PTCHD1: variants seen among roughly 807,000 people sequenced by gnomAD.
PTCHD1 encodes the protein patched domain-containing protein 1.
In PTCHD1, 3 loss-of-function variants were observed where a neutral mutation model predicts 34.6. That is an observed-to-expected ratio of 0.09 (90% confidence interval 0.04 to 0.22). PTCHD1 has a LOEUF of 0.22. PTCHD1 is among the 10% of genes least tolerant of loss of function. The pLI is 1.00. For missense variants in PTCHD1, 504 were observed against 685.5 expected, an observed-to-expected ratio of 0.74 and a Z score of 2.96; for synonymous variants, 305 against 283.1, an observed-to-expected ratio of 1.08 and a Z score of -0.77.
At position 23,335,423 on chromosome X, in the gene PTCHD1, C is replaced by G. The variant is rs1031952071; in HGVS notation, c.351+197C>G. On this transcript the variant is annotated intron_variant, in intron 1 of 2. Coordinates refer to ENST00000379361, the MANE Select transcript of PTCHD1 (RefSeq NM_173495.3). ...GGACAAGGAGCGTCGGGGTCCGGGT[C>G]CGGCCCTGCCCGCGTCGCCTCTACC... Among the ~76,000 whole-genome samples, 3 of 112,952 alleles carry G rather than the reference C, an allele frequency of 2.7e-5. No individual in the cohort carries two copies. In the Admixed American group the frequency reaches 2.8e-4, roughly 10 times the overall value.
At chrX:23,380,318 A>G in intron 2 of PTCHD1, 67 bp downstream of exon 2, 1 of 1,000,951 alleles carries the variant, frequency 1.0e-6, no homozygotes, top group Non-Finnish European at 1.4e-6. Flanking sequence ...CTAAAAGGCC[A>G]GGAGTAGCCT....
intron 1 of PTCHD1, among the ~76,000 whole-genome samples, chrX:23,363,758 C>G (rs1227071635): frequency 8.9e-6 from 1 of 112,594 alleles, no homozygotes; most frequent in African/African-American, 3.2e-5. Flanking sequence ...TGCTGCAGAC[C>G]AGAGCTGTTC....
chrX:23,354,371 TAA>T (rs775985300), intron 1 of PTCHD1, among the ~76,000 whole-genome samples: 1 of 96,416 alleles, frequency 1.0e-5, no homozygotes. Context: ...ACAAACAGAT[TAA>T]AAAAAAAAAA....
intron 1 of PTCHD1, among the ~76,000 whole-genome samples, chrX:23,354,730 G>A (rs1034016974): frequency 5.6e-5 from 6 of 107,868 alleles, no homozygotes; most frequent in Non-Finnish European, 7.7e-5. Context: ...CTGCCACCAC[G>A]CCCAGCTGAT....
rs767869516 is a variant in PTCHD1, at chrX:23,379,575, T to A, written c.352-16T>A. On this transcript the variant is annotated splice_polypyrimidine_tract_variant and intron_variant, in intron 1 of 2. Coordinates refer to ENST00000379361, the MANE Select transcript of PTCHD1 (RefSeq NM_173495.3). ...AATATTTGATTAATAAATGCTGTCA[T>A]TTTTTTCCCCCACAGTTGCATGCTG... 8.3e-7 allele frequency: 1 copy of A among 1,205,175 alleles called. No individual in the cohort carries two copies. The highest frequency in any genetic ancestry group is 1.7e-5 in the African/African-American group (1 of 57,660).
chrX:23,334,405 T>C (rs1261459057), upstream of PTCHD1: 1 of 111,061 alleles, frequency 9.0e-6, no homozygotes, highest in Non-Finnish European at 1.9e-5. Flanking sequence ...CAGAGTCTCC[T>C]GGCGATAGCG....
At chrX:23,372,575 T>A (rs1922309405) in intron 1 of PTCHD1, among the ~76,000 whole-genome samples, 2 of 111,715 alleles carry the variant, frequency 1.8e-5, no homozygotes, top group Middle Eastern at 4.6e-3. Context: ...AGGTCCATGG[T>A]TGGTCATTCT....
At chrX:23,366,164 C>A (rs148239271) in intron 1 of PTCHD1, among the ~76,000 whole-genome samples, 1,189 of 111,991 alleles carry the variant, frequency 0.011, 22 homozygotes, top group African/African-American at 0.037. Flanking sequence ...AGTATGACCC[C>A]CACGGTTCAG....
At chrX:23,380,865 G>A (rs1161641835) in intron 2 of PTCHD1, among the ~76,000 whole-genome samples, 2 of 111,320 alleles carry the variant, frequency 1.8e-5, no homozygotes, top group Non-Finnish European at 3.8e-5. Flanking sequence ...CCCCAGGCCA[G>A]TTAACTGCCA....
At chrX:23,342,903 T>C (rs1002701964) in intron 1 of PTCHD1, among the ~76,000 whole-genome samples, 1 of 112,189 alleles carries the variant, frequency 8.9e-6, no homozygotes, top group Admixed American at 9.5e-5. Flanking sequence ...ATACACATTC[T>C]TTAATGCAGA....
chrX:23,393,723 G>A lies in PTCHD1; in HGVS notation c.2205G>A (p.Glu735=). 8.3e-7 allele frequency: 1 copy of A among 1,211,612 alleles called. No individual in the cohort carries two copies. The highest frequency in any genetic ancestry group is 1.1e-6 in the Non-Finnish European group (1 of 895,222). ...TCACTCTCACAGTTGTGTCCGTGGA[G>A]TTTGGAGTGATAGGTTTCATGACAT... ...VWITLTVVSV[E]FGVIGFMTLW... The change falls in exon 3 of 3, where the codon GAG becomes GAA. Residue 735 remains glutamate (E), a synonymous_variant. Coordinates refer to ENST00000379361, the MANE Select transcript of PTCHD1 (RefSeq NM_173495.3).
chrX:23,359,108 T>G (rs1019325552), intron 1 of PTCHD1, among the ~76,000 whole-genome samples: 1 of 112,484 alleles, frequency 8.9e-6, no homozygotes, highest in Non-Finnish European at 1.9e-5. Flanking sequence ...TTCTTTTGGC[T>G]TAGGATTGAC....
chrX:23,384,954 A>G (rs1313215687), intron 2 of PTCHD1, among the ~76,000 whole-genome samples: 1 of 111,919 alleles, frequency 8.9e-6, no homozygotes, highest in African/African-American at 3.2e-5. Flanking sequence ...TGCCTGATGG[A>G]GTAGAAGTAT....
chrX:23,382,231 T>A (rs1182774122), intron 2 of PTCHD1, among the ~76,000 whole-genome samples: 1 of 112,269 alleles, frequency 8.9e-6, no homozygotes, highest in East Asian at 2.8e-4. Flanking sequence ...GAAAAGTTAA[T>A]TTACTAAGTA....
In PTCHD1 at chrX:23,397,022, A is replaced by G. The variant is rs1204092746; in HGVS notation, c.*2837A>G. On this transcript the variant is annotated 3_prime_UTR_variant, in exon 3 of 3. Coordinates refer to ENST00000379361, the MANE Select transcript of PTCHD1 (RefSeq NM_173495.3). ...GACGGAAAAATTGATCCCTGCAAAC[A>G]CTTGAAGAAGCTGTGTTTTTTTTCT... 2 of 111,957 alleles carry G rather than the reference A, an allele frequency of 1.8e-5. No individual in the cohort carries two copies. The highest frequency in any genetic ancestry group is 6.5e-5 in the African/African-American group (2 of 30,814). 9.2% of individuals were successfully genotyped at this position (111,957 alleles called of 1,213,427 possible).
intron 1 of PTCHD1, among the ~76,000 whole-genome samples, chrX:23,341,977 C>T (rs779323454): frequency 1.1e-4 from 12 of 110,146 alleles, no homozygotes; most frequent in African/African-American, 2.3e-4. Context: ...TAAGTGCAGT[C>T]GGTTATCTTG....
At chrX:23,354,611 C>T (rs1921749104) in intron 1 of PTCHD1, among the ~76,000 whole-genome samples, 1 of 97,842 alleles carries the variant, frequency 1.0e-5, no homozygotes, top group Non-Finnish European at 2.0e-5. Context: ...CTCGCTCTGT[C>T]TCCCAGGCTG....
At chrX:23,373,654 T>C (rs1922330995) in intron 1 of PTCHD1, among the ~76,000 whole-genome samples, 1 of 111,674 alleles carries the variant, frequency 9.0e-6, no homozygotes, top group African/African-American at 3.3e-5. Context: ...TGGGTGAGAG[T>C]GAGATCATGC....
rs151253180 is a variant in PTCHD1, at chrX:23,357,595, C to G, written c.352-21996C>G. The stretch of plus-strand genomic sequence containing the variant: ...GACTGGCCACATCTTTTCCAAACTC[C>G]CACTCCATTGGTAGAAGAAAAATGG... On this transcript the variant is annotated intron_variant, in intron 1 of 2. Coordinates refer to ENST00000379361, the MANE Select transcript of PTCHD1 (RefSeq NM_173495.3). 1.1e-3 allele frequency among the ~76,000 whole-genome samples: 124 copies of G among 111,461 alleles called. No individual in the cohort carries two copies. In the East Asian group the frequency reaches 0.03, roughly 27 times the overall value.
Sources: gnomAD v4.1 joint callset for allele counts (sites outside exome capture counted in the v4.1 genomes callset) on GRCh38, gnomAD v4.1.1 for gene constraint, MANE v1.5 for transcripts, NCBI Gene and HGNC (gene_info 2026-07-23, HGNC 2026-07-21) for gene names.